Variants in PAX5 observed in about 807,000 individuals in gnomAD.
The protein encoded by PAX5 is paired box 5.
A neutral mutation model predicts 43.7 loss-of-function variants in PAX5; 9 were observed. That is an observed-to-expected ratio of 0.21 (90% confidence interval 0.12 to 0.36). The LOEUF is 0.36. Ranked by LOEUF, PAX5 falls within the 10% of genes least tolerant of loss-of-function variation. The pLI is 1.00. For synonymous variants in PAX5, 228 were observed against 214.3 expected, an observed-to-expected ratio of 1.06 and a Z score of -0.56; for missense variants, 383 against 532.7, an observed-to-expected ratio of 0.72 and a Z score of 2.77.
Position 36,892,146 on chromosome 9 carries a change from C to T in PAX5, c.911-10041G>A, listed in dbSNP as rs1020718794. Among the ~76,000 whole-genome samples, 8 of 152,338 alleles carry T rather than the reference C, an allele frequency of 5.3e-5. No homozygotes were observed. In the East Asian group the frequency reaches 1.5e-3, roughly 29 times the overall value. On this transcript the variant is annotated intron_variant, in intron 7 of 9. Transcript: ENST00000358127. ...GGTTCTAATTAGGAAAGCAGCAAAG[C>T]AGCTCTACCACACTGATGGCTCTGG...
At chr9:36,995,986 T>C (rs900150511) in intron 5 of PAX5, among the ~76,000 whole-genome samples, 5 of 152,136 alleles carry the variant, frequency 3.3e-5, no homozygotes, top group Admixed American at 1.3e-4. Context: ...GGAAAGTGAG[T>C]GGCCCTTCAT....
intron 6 of PAX5, among the ~76,000 whole-genome samples, chr9:36,939,450 C>T (rs1002256142): frequency 3.9e-5 from 6 of 152,170 alleles, no homozygotes; most frequent in Non-Finnish European, 5.9e-5. Context: ...TGAAACCCCA[C>T]GTGCTCAAGG....
At chr9:36,940,607 G>C (rs976786240) in intron 6 of PAX5, among the ~76,000 whole-genome samples, 3 of 152,024 alleles carry the variant, frequency 2.0e-5, no homozygotes, top group African/African-American at 7.2e-5. Context: ...AGGTCTCCAG[G>C]GGAAAACAGG....
At chr9:37,033,901 C>T (rs983293967) in intron 1 of PAX5, 85 bp downstream of exon 1, 1 of 1,255,244 alleles carries the variant, frequency 8.0e-7, no homozygotes, top group Non-Finnish European at 1.2e-6. Context: ...CGCGCCCCCT[C>T]CTCCTCCAGG....
At position 36,838,233 on chromosome 9, in the gene PAX5, TC is replaced by T. The variant is rs1821780721; in HGVS notation, c.*2326del. On this transcript the variant is annotated 3_prime_UTR_variant, in exon 10 of 10. Transcript: ENST00000358127. ...CCTGCTGTGAGCTCGCTGGGCTCCA[TC>T]CCTGGCCTGGGTGACCAGGCTTCCT... is the stretch of plus-strand genomic sequence containing the variant. The T allele has an allele frequency of 4.3e-6, 1 of 232,974 alleles. No individual in the cohort carries two copies. The highest frequency in any genetic ancestry group is 6.0e-5 in the East Asian group (1 of 16,564). The allele number at this position is 232,974 out of a possible 1,614,324, so 14.4% of individuals were successfully genotyped here.
At chr9:36,918,900 C>T (rs940244820) in intron 7 of PAX5, among the ~76,000 whole-genome samples, 38 of 152,164 alleles carry the variant, frequency 2.5e-4, no homozygotes. Context: ...TAAGATCAAG[C>T]TAAGATCATT....
intron 6 of PAX5, among the ~76,000 whole-genome samples, chr9:36,924,772 GAA>G (rs1830485594): frequency 4.1e-5 from 2 of 48,658 alleles, no homozygotes; most frequent in African/African-American, 9.2e-5. Flanking sequence ...AGGAAGGAAG[GAA>G]GGAAGGAAAA....
chr9:36,867,758 T>C (rs1825039625), intron 8 of PAX5, among the ~76,000 whole-genome samples: 1 of 152,252 alleles, frequency 6.6e-6, no homozygotes, highest in Non-Finnish European at 1.5e-5. Context: ...TCTTTCTTTC[T>C]TTCAGCCCTG....
At chr9:36,844,509 T>C (rs1822378451) in intron 9 of PAX5, among the ~76,000 whole-genome samples, 1 of 152,174 alleles carries the variant, frequency 6.6e-6, no homozygotes, top group Non-Finnish European at 1.5e-5. Context: ...CCTGGTACAA[T>C]TAGCAAGCGC....
chr9:36,862,022 T>G (rs1169476771), intron 8 of PAX5, among the ~76,000 whole-genome samples: 1 of 152,152 alleles, frequency 6.6e-6, no homozygotes, highest in Non-Finnish European at 1.5e-5. Flanking sequence ...CATGTGGCTA[T>G]GCAAGCAGAG....
chr9:37,025,351 A>C (rs1383921271), intron 1 of PAX5, among the ~76,000 whole-genome samples: 1 of 150,800 alleles, frequency 6.6e-6, no homozygotes, highest in East Asian at 2.0e-4. Context: ...CCTTCACTCC[A>C]GCCGGGTCTC....
chr9:36,903,481 C>T (rs1828566659), intron 7 of PAX5, among the ~76,000 whole-genome samples: 1 of 152,214 alleles, frequency 6.6e-6, no homozygotes, highest in Admixed American at 6.5e-5. Flanking sequence ...AAGCACAGGG[C>T]TCCCCACAAT....
Position 36,840,328 on chromosome 9 carries a change from A to G in PAX5, c.*232T>C. The G allele has an allele frequency of 3.3e-6, 2 of 608,166 alleles. No homozygotes were observed. The highest frequency in any genetic ancestry group is 1.9e-5 in the South Asian group (1 of 51,346). 37.7% of individuals were successfully genotyped at this position (608,166 alleles called of 1,614,324 possible). On this transcript the variant is annotated 3_prime_UTR_variant, in exon 10 of 10. Transcript: ENST00000358127. ...ATTGGTTTGCAGAGACCCAGTGGCC[A>G]TCGGGAGAAGCTCATAGATTGGCTT...
intron 7 of PAX5, among the ~76,000 whole-genome samples, chr9:36,911,248 G>A (rs1284113206): frequency 6.6e-6 from 1 of 152,160 alleles, no homozygotes; most frequent in Non-Finnish European, 1.5e-5. Context: ...GGGCACCATG[G>A]TACTCCCGGC....
intron 5 of PAX5, among the ~76,000 whole-genome samples, chr9:36,975,772 T>C (rs1434089815): frequency 6.6e-6 from 1 of 152,212 alleles, no homozygotes; most frequent in African/African-American, 2.4e-5. Context: ...CAAAATAATT[T>C]AATGAGAATA....
At chr9:36,966,220 G>A (rs1044546650) in intron 6 of PAX5, among the ~76,000 whole-genome samples, 5 of 152,144 alleles carry the variant, frequency 3.3e-5, no homozygotes, top group African/African-American at 7.2e-5. Flanking sequence ...ACTGACCCAA[G>A]ACCACCTTAC....
At chr9:36,957,599 T>A (rs1204965451) in intron 6 of PAX5, among the ~76,000 whole-genome samples, 1 of 152,204 alleles carries the variant, frequency 6.6e-6, no homozygotes, top group Admixed American at 6.5e-5. Context: ...AGCCTTTGGA[T>A]GACCAGGGGA....
At chr9:36,986,182 C>T (rs1326487615) in intron 5 of PAX5, among the ~76,000 whole-genome samples, 7 of 151,636 alleles carry the variant, frequency 4.6e-5, no homozygotes, top group Non-Finnish European at 2.9e-5. Flanking sequence ...AGCTGGCATC[C>T]GTTGTTAGCA....
Position 37,015,243 on chromosome 9 carries a change from G to A in PAX5, c.213-49C>T, listed in dbSNP as rs774092228. The A allele has an allele frequency of 1.3e-6, 2 of 1,523,620 alleles. No individual in the cohort carries two copies. The highest frequency in any genetic ancestry group is 2.2e-5 in the South Asian group (2 of 88,908). 94.4% of individuals were successfully genotyped at this position (1,523,620 alleles called of 1,614,324 possible). A position where few individuals can be genotyped will look rare whatever the true frequency, so the allele number is the denominator to read the frequency against. The stretch of plus-strand genomic sequence containing the variant: ...TTAGCCATGAGGAACCAGTAAAGTG[G>A]ATATTGGCAACAAAATAACGGGCTA... On this transcript the variant is annotated intron_variant, in intron 2 of 9. Coordinates refer to ENST00000358127, the MANE Select transcript of PAX5 (RefSeq NM_016734.3). This position sits in a 1 kb window ranked among gnomAD's most constrained non-coding sequence, Gnocchi z 4.4.
Sources: allele counts gnomAD v4.1 joint callset (sites outside exome capture counted in the v4.1 genomes callset), GRCh38; gene constraint gnomAD v4.1.1; non-coding constraint Gnocchi (gnomAD v3.1); transcripts MANE v1.5; gene names NCBI Gene and HGNC (gene_info 2026-07-23, HGNC 2026-07-21).